Variants in TAFA1 observed in about 807,000 individuals in gnomAD.
TAFA1 encodes the protein chemokine-like protein TAFA-1.
Under a neutral mutation model 18.5 loss-of-function variants are expected in TAFA1, and 4 were observed. The observed-to-expected ratio is 0.22, with a 90% CI of 0.11 to 0.49. The LOEUF (loss-of-function observed/expected upper bound fraction) is 0.49. TAFA1 is among the 20% of genes least tolerant of loss of function. TAFA1 has a pLI of 0.98. For missense variants in TAFA1, 147 were observed against 169.0 expected (o/e 0.87, Z 0.72); for synonymous variants, 56 against 55.2 (o/e 1.01, Z -0.06).
At chr3:68,193,765 G>C (rs1025755776) in intron 2 of TAFA1, among the ~76,000 whole-genome samples, 4 of 151,606 alleles carry the variant, frequency 2.6e-5, no homozygotes, top group Admixed American at 1.3e-4. Flanking sequence ...AAATGAACAG[G>C]TCTCTTCTGT....
intron 2 of TAFA1, among the ~76,000 whole-genome samples, chr3:68,031,264 A>T (rs1203639588): frequency 6.6e-6 from 1 of 152,114 alleles, no homozygotes; most frequent in Non-Finnish European, 1.5e-5. Context: ...ATTTATTTGT[A>T]TTGAGAAATT....
At chr3:68,060,528 G>T (rs1272194559) in intron 2 of TAFA1, among the ~76,000 whole-genome samples, 3 of 152,220 alleles carry the variant, frequency 2.0e-5, no homozygotes, top group Non-Finnish European at 4.4e-5. Flanking sequence ...AAGCGGACAG[G>T]TGTGTGGACT....
intron 2 of TAFA1, among the ~76,000 whole-genome samples, chr3:68,416,005 A>G (rs1332862074): frequency 1.3e-5 from 2 of 152,214 alleles, no homozygotes; most frequent in Non-Finnish European, 2.9e-5. Flanking sequence ...ATGGGAGGCC[A>G]TCCTGGGCAT....
chr3:68,163,787 A>G (rs1325494904), intron 2 of TAFA1, among the ~76,000 whole-genome samples: 5 of 152,180 alleles, frequency 3.3e-5, no homozygotes, highest in African/African-American at 1.2e-4. Context: ...CTTAATTTTT[A>G]ACTAATAAAC....
At chr3:68,524,922 C>T (rs1306012554) in intron 3 of TAFA1, among the ~76,000 whole-genome samples, 1 of 152,186 alleles carries the variant, frequency 6.6e-6, no homozygotes, top group Non-Finnish European at 1.5e-5. Context: ...CCGCCCACCT[C>T]AGCCTCCCAA....
At chr3:68,469,402 C>A (rs1279344153) in intron 3 of TAFA1, among the ~76,000 whole-genome samples, 1 of 152,148 alleles carries the variant, frequency 6.6e-6, no homozygotes, top group Non-Finnish European at 1.5e-5. Flanking sequence ...GGGCCGGGCG[C>A]AGTGGCTCAC....
At chr3:68,123,663 A>G (rs2065427869) in intron 2 of TAFA1, among the ~76,000 whole-genome samples, 1 of 152,122 alleles carries the variant, frequency 6.6e-6, no homozygotes, top group Non-Finnish European at 1.5e-5. Flanking sequence ...GGCTTGGTCT[A>G]AAGTTGCCTT....
chr3:68,163,254 C>T (rs1472411474), intron 2 of TAFA1, among the ~76,000 whole-genome samples: 1 of 152,180 alleles, frequency 6.6e-6, no homozygotes, highest in Non-Finnish European at 1.5e-5. Context: ...CACAGGGTGA[C>T]TCCAGCTTAG....
At chr3:68,495,825 T>A (rs1202457334) in intron 3 of TAFA1, among the ~76,000 whole-genome samples, 1 of 151,840 alleles carries the variant, frequency 6.6e-6, no homozygotes, top group African/African-American at 2.4e-5. Context: ...AGAAAGGAAT[T>A]TACATGAAAG....
At chr3:68,338,129 T>G (rs547711086) in intron 2 of TAFA1, among the ~76,000 whole-genome samples, 1 of 152,370 alleles carries the variant, frequency 6.6e-6, no homozygotes, top group East Asian at 1.9e-4. Context: ...GCTATGGATC[T>G]TTCATGCCTG....
At chr3:68,482,388 C>T (rs1475610550) in intron 3 of TAFA1, among the ~76,000 whole-genome samples, 2 of 152,038 alleles carry the variant, frequency 1.3e-5, no homozygotes, top group African/African-American at 4.8e-5. Flanking sequence ...AAGCTGGAAG[C>T]CTCTGCAAAA....
At chr3:68,496,350 T>C in intron 3 of TAFA1, among the ~76,000 whole-genome samples, 1 of 152,178 alleles carries the variant, frequency 6.6e-6, no homozygotes, top group East Asian at 1.9e-4. Flanking sequence ...AAGTCTGAAC[T>C]TCCAAGACTA....
intron 2 of TAFA1, among the ~76,000 whole-genome samples, chr3:68,110,743 A>AT (rs1292249927): frequency 6.6e-6 from 1 of 152,194 alleles, no homozygotes; most frequent in Non-Finnish European, 1.5e-5. Context: ...AAAGAAAGAG[A>AT]TAAACTATGG....
intron 2 of TAFA1, among the ~76,000 whole-genome samples, chr3:68,381,849 A>G (rs1280442069): frequency 1.3e-5 from 2 of 152,162 alleles, no homozygotes; most frequent in Non-Finnish European, 2.9e-5. Context: ...GCCTTGTGCC[A>G]GTTTTCAAAG....
At position 68,419,076 on chromosome 3, in the gene TAFA1, C is replaced by T. The variant is rs576528918; in HGVS notation, c.259+1656C>T. Among the ~76,000 whole-genome samples the T allele has an allele frequency of 2.0e-5, 3 of 152,204 alleles. No homozygotes were observed. In the East Asian group the frequency reaches 5.8e-4, roughly 30 times the overall value. Reference sequence around the variant, plus strand: ...TCTTGTTTCCTCGCCTCGTGAACCTCTCAAAAAAAACTTGATGTCCTCACA... The same window carrying T: ...TCTTGTTTCCTCGCCTCGTGAACCTTTCAAAAAAAACTTGATGTCCTCACA... On this transcript the variant is annotated intron_variant, in intron 3 of 4. Transcript: ENST00000478136.
chr3:68,393,418 A>C (rs2070304340), intron 2 of TAFA1, among the ~76,000 whole-genome samples: 1 of 152,040 alleles, frequency 6.6e-6, no homozygotes, highest in Non-Finnish European at 1.5e-5. Flanking sequence ...TTCATAGCCA[A>C]ATTCTACCAG....
intron 2 of TAFA1, among the ~76,000 whole-genome samples, chr3:68,021,011 C>T (rs1029181735): frequency 1.3e-5 from 2 of 151,494 alleles, no homozygotes; most frequent in Non-Finnish European, 2.9e-5. Flanking sequence ...CATGGTGAAA[C>T]CCCATCTCTA....
chr3:68,391,569 A>G (rs1056310969), intron 2 of TAFA1, among the ~76,000 whole-genome samples: 3 of 152,192 alleles, frequency 2.0e-5, no homozygotes, highest in African/African-American at 7.2e-5. Flanking sequence ...CAGATTCACC[A>G]TGGTTGAAAT....
intron 2 of TAFA1, among the ~76,000 whole-genome samples, chr3:68,149,852 T>TGCAAAC (rs2065784010): frequency 6.6e-6 from 1 of 152,224 alleles, no homozygotes; most frequent in African/African-American, 2.4e-5. Flanking sequence ...AAAGGTTGTG[T>TGCAAAC]GCAAACTCTT....
Sources: gnomAD v4.1 joint callset for allele counts (sites outside exome capture counted in the v4.1 genomes callset) on GRCh38, gnomAD v4.1.1 for gene constraint, MANE v1.5 for transcripts, NCBI Gene and HGNC (gene_info 2026-07-23, HGNC 2026-07-21) for gene names.